TASOR2: variants seen among roughly 807,000 people sequenced by gnomAD.
TASOR2 encodes transcription activation suppressor family member 2, also known as protein TASOR 2.
TASOR2 carries 84 observed loss-of-function variants against 199.5 expected under a neutral mutation model. That is an observed-to-expected ratio of 0.42 (90% confidence interval 0.35 to 0.50). TASOR2 has a LOEUF of 0.50. Ranked by LOEUF, TASOR2 falls within the 20% of genes least tolerant of loss-of-function variation. The probability of loss-of-function intolerance (pLI) is 0.02; values close to 1 mark genes in which losing one functional copy is unlikely to be tolerated. For missense variants in TASOR2, 2,796 were observed against 2,835.9 expected, an observed-to-expected ratio of 0.99 and a Z score of 0.32; for synonymous variants, 1,103 against 1,046.6, an observed-to-expected ratio of 1.05 and a Z score of -1.04.
chr10:5,715,953 T>C (rs1056666005), intron 2 of TASOR2, among the ~76,000 whole-genome samples: 4 of 152,154 alleles, frequency 2.6e-5, no homozygotes, highest in African/African-American at 9.7e-5. Flanking sequence ...AATTTTTTAC[T>C]CATGTGAACA....
chr10:5,761,556 T>G, intron 19 of TASOR2, 85 bp downstream of exon 20: 2 of 1,220,908 alleles, frequency 1.6e-6, no homozygotes, highest in Non-Finnish European at 2.3e-6. Context: ...ATGAAGAGTA[T>G]CAGGTATCTA....
At chr10:5,746,892 G>T in exon 15 of TASOR2, 1 of 1,614,170 alleles carries the variant, frequency 6.2e-7, no homozygotes, top group Middle Eastern at 1.6e-4. Flanking sequence ...ATAAAACAAT[G>T]GTCATGGAGG....
At chr10:5,723,055 T>C (rs1354828027) in intron 6 of TASOR2, among the ~76,000 whole-genome samples, 2 of 125,626 alleles carry the variant, frequency 1.6e-5, no homozygotes, top group East Asian at 4.9e-4. Context: ...TTTTTTTTTT[T>C]TTTTTTTTTT....
At chr10:5,708,391 G>C (rs1831408443) in intron 1 of TASOR2, among the ~76,000 whole-genome samples, 1 of 151,978 alleles carries the variant, frequency 6.6e-6, no homozygotes, top group Non-Finnish European at 1.5e-5. Flanking sequence ...TCTTGACATA[G>C]CTCCATCTCC....
In TASOR2 at chr10:5,699,821, CATTT is replaced by C; in HGVS notation, c.-287-12997_-287-12994del. 2 of 815,820 alleles carry C rather than the reference CATTT, an allele frequency of 2.5e-6. No homozygotes were observed. The highest frequency in any genetic ancestry group is 3.0e-6 in the Non-Finnish European group (2 of 675,586). 50.5% of individuals were successfully genotyped at this position (815,820 alleles called of 1,614,324 possible). On this transcript the variant is annotated intron_variant, in intron 1 of 20. Transcript: ENST00000328090. The surrounding 1 kb of genome is among the most constrained non-coding windows in gnomAD (Gnocchi z 4.1). The stretch of plus-strand genomic sequence containing the variant: ...GAGAAAAATGAGTAAAACAGGTACA[CATTT>C]ATTTTTATTGATGCGTAATAGATGT...
chr10:5,742,173 A>T lies in TASOR2; in HGVS notation c.2404A>T (p.Ser802Cys). The T allele has an allele frequency of 6.2e-7, 1 of 1,614,204 alleles. No individual in the cohort carries two copies. Among genetic ancestry groups the T allele is most frequent in the Non-Finnish European group, 8.5e-7 (1 of 1,180,010 alleles). The change falls in exon 14 of 21, where the codon AGC becomes TGC. Residue 802 changes from serine to cysteine, a missense_variant. Around this residue, in one of 3 missense-constraint regions of TASOR2, gnomAD observed 1,941 missense variants for 1,924.9 expected, o/e 1.01. Coordinates refer to ENST00000328090, the Ensembl canonical transcript of TASOR2. The surrounding 1 kb of genome is among the most constrained non-coding windows in gnomAD (Gnocchi z 4.2). ...TCATATGTGGGTAGCTCTGTTTTAC[A>T]GCAATCAGAACAAAATCATACGATC...
In TASOR2 at chr10:5,720,664, A is replaced by AGAG. The variant is rs1265696435; in HGVS notation, c.23_24insAGG (p.Ser8delinsArgGly). The AGAG allele has an allele frequency of 1.2e-6, 2 of 1,614,106 alleles. No homozygotes were observed. The highest frequency in any genetic ancestry group is 3.3e-5 in the Admixed American group (2 of 60,022). On this transcript the variant is annotated protein_altering_variant, in exon 4 of 21. Transcript: ENST00000328090. The surrounding 1 kb of genome is among the most constrained non-coding windows in gnomAD (Gnocchi z 5.3). ...AACTATGGCACCACCAGCTCATAAA[A>AGAG]GCATGTAAGTAATTATGTGCATGCT... is the stretch of plus-strand genomic sequence containing the variant.
intron 10 of TASOR2, among the ~76,000 whole-genome samples, chr10:5,729,473 G>A (rs1169281242): frequency 6.6e-6 from 1 of 152,222 alleles, no homozygotes; most frequent in Non-Finnish European, 1.5e-5. Context: ...GGCTGAGGCA[G>A]GTAGATCACT....
In TASOR2 at chr10:5,730,659, T is replaced by C; in HGVS notation, c.660T>C (p.Pro220=). Reference sequence around the variant, plus strand: ...AATTGTACAAGGCGGACAGAAGCCCTTCATTGAGTGTTGCTCCTCAGGATA... The same window carrying C: ...AATTGTACAAGGCGGACAGAAGCCCCTCATTGAGTGTTGCTCCTCAGGATA... The change falls in exon 11 of 21, where the codon CCT becomes CCC. Residue 220 remains proline (P), a synonymous_variant. Transcript: ENST00000328090. The surrounding 1 kb of genome is among the most constrained non-coding windows in gnomAD (Gnocchi z 4.1). 6.2e-7 allele frequency: 1 copy of C among 1,614,236 alleles called. No homozygotes were observed. Among genetic ancestry groups the C allele is most frequent in the South Asian group, 1.1e-5 (1 of 91,086 alleles).
intron 1 of TASOR2, chr10:5,712,571 T>G: frequency 8.1e-7 from 1 of 1,231,040 alleles, no homozygotes; most frequent in Non-Finnish European, 1.0e-6. Context: ...ATGATGGTTT[T>G]GTTTTAGTTT....
chr10:5,727,658 G>T (rs938251830), intron 10 of TASOR2, among the ~76,000 whole-genome samples: 1 of 152,076 alleles, frequency 6.6e-6, no homozygotes, highest in African/African-American at 2.4e-5. Context: ...CTCTAAGAGG[G>T]CTGGGAAGGA....
chr10:5,730,368 T>C lies in TASOR2; in HGVS notation c.488-119T>C. Reference sequence around the variant, plus strand: ...ATTAATTGCCATTTAGGTTGTCATTTGAAATACTATAACATATTTAACCAT... The same window carrying C: ...ATTAATTGCCATTTAGGTTGTCATTCGAAATACTATAACATATTTAACCAT... On this transcript the variant is annotated intron_variant, in intron 10 of 20. Coordinates refer to ENST00000328090, the Ensembl canonical transcript of TASOR2. This position sits in a 1 kb window ranked among gnomAD's most constrained non-coding sequence, Gnocchi z 4.1. 5.4e-6 allele frequency: 4 copies of C among 742,244 alleles called. No individual in the cohort carries two copies. Among genetic ancestry groups the C allele is most frequent in the Non-Finnish European group, 6.3e-6 (3 of 473,098 alleles). The allele number at this position is 742,244 out of a possible 1,614,324, so 46.0% of individuals were successfully genotyped here.
Position 5,730,859 on chromosome 10 carries a change from C to G in TASOR2, c.860C>G (p.Ser287Cys). The stretch of plus-strand genomic sequence containing the variant: ...GACTTGCTAGCAGAGCATCCTCAGT[C>G]TCCTTGTGTTTCAGACGGAATTTGT... Residue 287 changes from serine (S) to cysteine (C), a missense_variant, in exon 11 of 21, where the codon TCT (serine) becomes TGT (cysteine). Ser to Cys is a moderately radical substitution (Grantham distance 112). This residue lies in a region of TASOR2 where 847 missense variants were observed against 887.4 expected (regional missense o/e 0.95). Transcript: ENST00000328090. The surrounding 1 kb of genome is among the most constrained non-coding windows in gnomAD (Gnocchi z 4.1). 1 of 1,614,210 alleles carries G rather than the reference C, an allele frequency of 6.2e-7. No homozygotes were observed. The highest frequency in any genetic ancestry group is 8.5e-7 in the Non-Finnish European group (1 of 1,180,042).
rs775201534 is a variant in TASOR2, at chr10:5,740,033, T to A, written c.1863T>A (p.Val621=). The A allele has an allele frequency of 6.2e-7, 1 of 1,614,080 alleles. No individual in the cohort carries two copies. Among genetic ancestry groups the A allele is most frequent in the South Asian group, 1.1e-5 (1 of 91,082 alleles). ...TTAGCCAAGATGAAGAAAGCTTGGT[T>A]CCTTGTAGTCAGGCCCCTGCTAAAG... Residue 621 remains valine (V), a synonymous_variant, in exon 13 of 21, where the codon GTT becomes GTA. Coordinates refer to ENST00000328090, the Ensembl canonical transcript of TASOR2. This position sits in a 1 kb window ranked among gnomAD's most constrained non-coding sequence, Gnocchi z 5.3.
chr10:5,693,340 C>T (rs1197322910), intron 1 of TASOR2, among the ~76,000 whole-genome samples: 2 of 152,198 alleles, frequency 1.3e-5, no homozygotes, highest in East Asian at 1.9e-4. Context: ...TGACTTTGCG[C>T]TTCAAGTATT....
Position 5,739,915 on chromosome 10 carries a change from A to G in TASOR2, c.1745A>G (p.His582Arg), listed in dbSNP as rs2131612371. Residue 582 changes from histidine to arginine, a missense_variant, in exon 13 of 21, where the codon CAT becomes CGT. By Grantham distance (29) the His-to-Arg change is conservative (BLOSUM62 0). This residue lies in a region of TASOR2 where 847 missense variants were observed against 887.4 expected (regional missense o/e 0.95). Transcript: ENST00000328090. Reference sequence around the variant, plus strand: ...AATTCTTTGCGAGGTACATCTGACCATGAATATCATAGAGGAGTTAAAACT... The same window carrying G: ...AATTCTTTGCGAGGTACATCTGACCGTGAATATCATAGAGGAGTTAAAACT... 4 of 1,614,186 alleles carry G rather than the reference A, an allele frequency of 2.5e-6. No homozygotes were observed. The highest frequency in any genetic ancestry group is 3.4e-6 in the Non-Finnish European group (4 of 1,180,038).
rs1482164433 is a variant in TASOR2, at chr10:5,742,462, T to C, written c.2693T>C (p.Phe898Ser). Residue 898 changes from phenylalanine (F) to serine (S), a missense_variant, in exon 14 of 21, where the codon TTT becomes TCT. Transcript: ENST00000328090. This position sits in a 1 kb window ranked among gnomAD's most constrained non-coding sequence, Gnocchi z 4.2. The stretch of plus-strand genomic sequence containing the variant: ...GTACAAAATGAACAGAAAAAAACTT[T>C]TGCAAGAGAGTGTGATCCAGACACC... 2 of 1,614,050 alleles carry C rather than the reference T, an allele frequency of 1.2e-6. No homozygotes were observed.
intron 1 of TASOR2, among the ~76,000 whole-genome samples, chr10:5,708,749 T>C (rs1204314363): frequency 6.6e-6 from 1 of 151,548 alleles, no homozygotes; most frequent in Non-Finnish European, 1.5e-5. Flanking sequence ...TTACCCAGGC[T>C]GGAGTTCAGG....
rs1354662345 is a variant in TASOR2, at chr10:5,754,765, C to CG, written c.6607-1845dup. ...TGTCAACTGAGAAAGTGGACACGGCCGGGCGCGGTGGCTCACGCCTGTAAT... is the reference window on the plus strand; with the variant it reads ...TGTCAACTGAGAAAGTGGACACGGCCGGGGCGCGGTGGCTCACGCCTGTAAT... On this transcript the variant is annotated intron_variant, in intron 15 of 20. Coordinates refer to ENST00000328090, the Ensembl canonical transcript of TASOR2. This position sits in a 1 kb window ranked among gnomAD's most constrained non-coding sequence, Gnocchi z 4.3. Among the ~76,000 whole-genome samples the CG allele has an allele frequency of 6.6e-6, 1 of 151,994 alleles. No individual in the cohort carries two copies. The highest frequency in any genetic ancestry group is 2.4e-5 in the African/African-American group (1 of 41,374).
Sources: allele counts gnomAD v4.1 joint callset (sites outside exome capture counted in the v4.1 genomes callset), GRCh38; gene constraint gnomAD v4.1.1; regional missense constraint gnomAD v4.1.1; non-coding constraint Gnocchi (gnomAD v3.1); transcripts MANE v1.5; gene names NCBI Gene and HGNC (gene_info 2026-07-23, HGNC 2026-07-21).